XYLB: variants seen among roughly 807,000 people sequenced by gnomAD.
XYLB encodes xylulokinase, also known as xylulose kinase.
A neutral mutation model predicts 78.7 loss-of-function variants in XYLB; 62 were observed. The observed-to-expected ratio is 0.79, with a 90% CI of 0.64 to 0.97. The LOEUF is 0.97. Among genes scored for constraint, XYLB ranks in the 50% least tolerant of loss-of-function variants. The probability of loss-of-function intolerance (pLI) is 0.00; values close to 1 mark genes in which losing one functional copy is unlikely to be tolerated. For missense variants in XYLB, 687 were observed against 676.8 expected, an observed-to-expected ratio of 1.02 and a Z score of -0.17; for synonymous variants, 245 against 247.4, an observed-to-expected ratio of 0.99 and a Z score of 0.09.
chr3:38,410,748 G>A (rs1265129189), intron 18 of XYLB, among the ~76,000 whole-genome samples: 1 of 152,062 alleles, frequency 6.6e-6, no homozygotes, highest in African/African-American at 2.4e-5. Flanking sequence ...CTCAAAAGAA[G>A]ACATTTATGC....
chr3:38,446,875 T>C, the XYLB span, among the ~76,000 whole-genome samples: 1 of 152,170 alleles, frequency 6.6e-6, no homozygotes, highest in Non-Finnish European at 1.5e-5. Flanking sequence ...AATTTATGAC[T>C]AAGACCTCAA....
intron 2 of XYLB, among the ~76,000 whole-genome samples, chr3:38,352,306 C>T (rs1705409922): frequency 6.6e-6 from 1 of 151,248 alleles, no homozygotes; most frequent in Non-Finnish European, 1.5e-5. Context: ...CCGGGTTGTC[C>T]TCCATTAGGA....
chr3:38,398,096 G>A (rs1304861536), intron 17 of XYLB, among the ~76,000 whole-genome samples: 4 of 151,744 alleles, frequency 2.6e-5, no homozygotes, highest in East Asian at 2.0e-4. Flanking sequence ...GGGATTACAG[G>A]CGTGAGCCAC....
intron 15 of XYLB, among the ~76,000 whole-genome samples, chr3:38,382,577 T>C (rs1707199952): frequency 6.6e-6 from 1 of 152,062 alleles, no homozygotes; most frequent in Admixed American, 6.6e-5. Context: ...CCACCCTAAG[T>C]GTAAAAAGAC....
At chr3:38,401,841 C>T (rs1355375372) in intron 18 of XYLB, among the ~76,000 whole-genome samples, 1 of 152,146 alleles carries the variant, frequency 6.6e-6, no homozygotes, top group Non-Finnish European at 1.5e-5. Context: ...CACACCACTG[C>T]ACCTATTTAC....
intron 4 of XYLB, among the ~76,000 whole-genome samples, chr3:38,364,024 G>A (rs1706114338): frequency 6.6e-6 from 1 of 151,966 alleles, no homozygotes; most frequent in South Asian, 2.1e-4. Flanking sequence ...TCTCTCTCCC[G>A]AATCCCAGGC....
intron 2 of XYLB, among the ~76,000 whole-genome samples, chr3:38,357,363 G>A (rs13093125): frequency 0.054 from 8,106 of 150,594 alleles, 315 homozygotes; most frequent in Non-Finnish European, 0.082. Context: ...CCCACCAGTG[G>A]TAGATGGTGC....
chr3:38,371,950 T>C (rs1313288040), intron 9 of XYLB, among the ~76,000 whole-genome samples: 6 of 152,090 alleles, frequency 3.9e-5, no homozygotes, highest in Admixed American at 3.9e-4. Context: ...TTTAGTTGGA[T>C]GTGAAATTCA....
chr3:38,370,191 G>A lies in XYLB; in HGVS notation c.765+17G>A, dbSNP rs1227012891. ...TCAGTTGTGGTAGGTCTCCTTTCTG[G>A]TGATGTGGCTCATTTAAGAGCTGGC... On this transcript the variant is annotated intron_variant, in intron 9 of 18. Coordinates refer to ENST00000207870, the MANE Select transcript of XYLB (RefSeq NM_005108.4). 1 of 1,601,540 alleles carries A rather than the reference G, an allele frequency of 6.2e-7. No individual in the cohort carries two copies. Among genetic ancestry groups the A allele is most frequent in the East Asian group, 2.2e-5 (1 of 44,660 alleles).
chr3:38,386,679 T>C (rs1017784175), intron 15 of XYLB, among the ~76,000 whole-genome samples: 2 of 152,194 alleles, frequency 1.3e-5, no homozygotes, highest in African/African-American at 4.8e-5. Context: ...TTGAAAAGTC[T>C]GGTTTGCACT....
intron 2 of XYLB, chr3:38,355,669 C>A: frequency 1.4e-6 from 1 of 700,716 alleles, no homozygotes; most frequent in East Asian, 2.7e-5. Flanking sequence ...GTGATCAGGC[C>A]TCTAAAAGAC....
the XYLB span, among the ~76,000 whole-genome samples, chr3:38,439,994 G>T: frequency 3.7e-3 from 569 of 152,246 alleles, 6 homozygotes; most frequent in Non-Finnish European, 4.1e-3. Context: ...GATAGATTTT[G>T]TTATTTCTTG....
intron 18 of XYLB, among the ~76,000 whole-genome samples, chr3:38,408,760 CT>C (rs1186451549): frequency 6.6e-6 from 1 of 152,102 alleles, no homozygotes; most frequent in Admixed American, 6.6e-5. Context: ...GCAAACACCT[CT>C]ACGCAAATAA....
At chr3:38,444,172 A>G in the XYLB span, among the ~76,000 whole-genome samples, 4 of 152,180 alleles carry the variant, frequency 2.6e-5, no homozygotes, top group African/African-American at 4.8e-5. Flanking sequence ...TAGGACATCT[A>G]TATACCTATC....
rs1327176017 is a variant in XYLB, at chr3:38,365,246, A to C, written c.339A>C (p.Thr113=). 1.2e-6 allele frequency: 2 copies of C among 1,614,250 alleles called. No individual in the cohort carries two copies. The highest frequency in any genetic ancestry group is 2.7e-5 in the African/African-American group (2 of 75,072). The change falls in exon 5 of 19, where the codon ACA becomes ACC. Residue 113 remains threonine, a synonymous_variant. Coordinates refer to ENST00000207870, the MANE Select transcript of XYLB (RefSeq NM_005108.4). ...AGGCTGGAGCCCAGCAGGCACTGAC[A>C]AGCTTATCACCAGACCTCCGGCTAC... The part of the protein sequence containing the change: ...YWKAGAQQAL[T]SLSPDLRLHQ...
At chr3:38,372,625 G>T (rs1419007655) in intron 9 of XYLB, 30 bp from the exon 10 acceptor site, 1 of 1,613,688 alleles carries the variant, frequency 6.2e-7, no homozygotes, top group African/African-American at 1.3e-5. Flanking sequence ...TACCTCAACA[G>T]AGCACCTTTG....
chr3:38,377,005 T>C lies in XYLB; in HGVS notation c.1194+14T>C, dbSNP rs1706894312. On this transcript the variant is annotated intron_variant, in intron 14 of 18. Coordinates refer to ENST00000207870, the MANE Select transcript of XYLB (RefSeq NM_005108.4). ...GAAAACCACAAGGTACATGTGCTGT[T>C]GGTGTTGGAGTTACATTGGCTCCAT... 6.2e-7 allele frequency: 1 copy of C among 1,611,152 alleles called. No homozygotes were observed. Among genetic ancestry groups the C allele is most frequent in the South Asian group, 1.1e-5 (1 of 90,536 alleles).
downstream of XYLB, among the ~76,000 whole-genome samples, chr3:38,423,737 C>T (rs2125697146): frequency 6.6e-6 from 1 of 152,294 alleles, no homozygotes; most frequent in Non-Finnish European, 1.5e-5. Flanking sequence ...TTACATTATT[C>T]ATTATATGGA....
intron 18 of XYLB, among the ~76,000 whole-genome samples, chr3:38,405,879 A>G (rs1414948515): frequency 4.6e-5 from 7 of 152,240 alleles, no homozygotes; most frequent in East Asian, 1.9e-4. Flanking sequence ...CAAAGCAGCC[A>G]GGAGGCTCGA....
Sources: gnomAD v4.1 joint callset for allele counts (sites outside exome capture counted in the v4.1 genomes callset) on GRCh38, gnomAD v4.1.1 for gene constraint, MANE v1.5 for transcripts, NCBI Gene and HGNC (gene_info 2026-07-23, HGNC 2026-07-21) for gene names.